SPATS2L: variants seen among roughly 807,000 people sequenced by gnomAD.
SPATS2L encodes spermatogenesis associated serine rich 2 like, also known as SPATS2-like protein.
SPATS2L carries 30 observed loss-of-function variants against 59.6 expected under a neutral mutation model. That is an observed-to-expected ratio of 0.50 (90% CI 0.38 to 0.68). The LOEUF (loss-of-function observed/expected upper bound fraction) is 0.68, where lower values mean the gene tolerates loss of function less well. SPATS2L is among the 30% of genes least tolerant of loss of function. The pLI is 0.00. For missense variants in SPATS2L, 615 were observed against 700.0 expected, an observed-to-expected ratio of 0.88 and a Z score of 1.37; for synonymous variants, 252 against 263.5, an observed-to-expected ratio of 0.96 and a Z score of 0.42.
chr2:200,468,654 A>G (rs893004313), intron 10 of SPATS2L, among the ~76,000 whole-genome samples: 1 of 152,168 alleles, frequency 6.6e-6, no homozygotes, highest in African/African-American at 2.4e-5. Context: ...AGCCAATTGC[A>G]GTGGCCTCCA....
chr2:200,375,903 A>G (rs557595856), intron 2 of SPATS2L, among the ~76,000 whole-genome samples: 1 of 152,324 alleles, frequency 6.6e-6, no homozygotes, highest in South Asian at 2.1e-4. Context: ...CTGGGATTAC[A>G]GGCATGAGTG....
chr2:200,313,173 C>T (rs1028655168), intron 1 of SPATS2L, among the ~76,000 whole-genome samples: 1 of 152,156 alleles, frequency 6.6e-6, no homozygotes, highest in Non-Finnish European at 1.5e-5. Flanking sequence ...GCACAGAAAC[C>T]AACAAGTCAG....
At chr2:200,306,099 G>C (rs975338708), upstream of SPATS2L, 2 of 985,966 alleles carry the variant, frequency 2.0e-6, no homozygotes, top group South Asian at 4.7e-5. Context: ...AACACCCCGG[G>C]TTGGTCGGGT....
At chr2:200,422,563 G>A (rs2083355570) in intron 6 of SPATS2L, among the ~76,000 whole-genome samples, 1 of 150,924 alleles carries the variant, frequency 6.6e-6, no homozygotes, top group African/African-American at 2.4e-5. Context: ...GGGGGAGGAA[G>A]AAGAAATGAT....
At chr2:200,450,576 T>A (rs536404925) in intron 8 of SPATS2L, among the ~76,000 whole-genome samples, 13 of 152,314 alleles carry the variant, frequency 8.5e-5, no homozygotes, top group African/African-American at 3.1e-4. Flanking sequence ...GATGAATGTG[T>A]GTCAAGCCAC....
intron 3 of SPATS2L, among the ~76,000 whole-genome samples, chr2:200,401,809 G>T (rs1381448477): frequency 6.6e-6 from 1 of 152,140 alleles, no homozygotes; most frequent in Non-Finnish European, 1.5e-5. Context: ...TGCAGCCAGG[G>T]TTGAGACTCA....
At chr2:200,363,025 A>T (rs2081158468) in intron 2 of SPATS2L, among the ~76,000 whole-genome samples, 1 of 152,144 alleles carries the variant, frequency 6.6e-6, no homozygotes, top group African/African-American at 2.4e-5. Flanking sequence ...CGCATGCATG[A>T]TCACTGTGAT....
intron 2 of SPATS2L, among the ~76,000 whole-genome samples, chr2:200,368,067 G>C (rs2081318269): frequency 6.6e-6 from 1 of 152,240 alleles, no homozygotes; most frequent in African/African-American, 2.4e-5. Flanking sequence ...ATTTGTAACA[G>C]AGCAGAAACA....
chr2:200,471,509 T>G (rs984013844), intron 11 of SPATS2L, among the ~76,000 whole-genome samples: 7 of 152,116 alleles, frequency 4.6e-5, no homozygotes, highest in African/African-American at 1.4e-4. Flanking sequence ...AATGGTCCCT[T>G]ACTAAATTCC....
chr2:200,336,346 C>A (rs2080141988), intron 2 of SPATS2L, among the ~76,000 whole-genome samples: 1 of 152,114 alleles, frequency 6.6e-6, no homozygotes, highest in African/African-American at 2.4e-5. Context: ...ATTCTGTCAT[C>A]CTTTTTCCAT....
chr2:200,327,639 T>C (rs2079797274), intron 1 of SPATS2L, among the ~76,000 whole-genome samples: 1 of 152,266 alleles, frequency 6.6e-6, no homozygotes, highest in East Asian at 1.9e-4. Context: ...TTGCCTTTTG[T>C]GGGGCATAAA....
chr2:200,367,252 T>C (rs570350409), intron 2 of SPATS2L, among the ~76,000 whole-genome samples: 4 of 152,190 alleles, frequency 2.6e-5, no homozygotes, highest in Non-Finnish European at 5.9e-5. Flanking sequence ...TGGGTTTTTT[T>C]CCCCCACTCT....
chr2:200,311,934 A>G (rs1235994867), intron 1 of SPATS2L, among the ~76,000 whole-genome samples: 1 of 152,080 alleles, frequency 6.6e-6, no homozygotes, highest in Non-Finnish European at 1.5e-5. Context: ...AGGATGGGGG[A>G]AGGGTGCTGT....
At chr2:200,416,965 C>A (rs2083087971) in intron 5 of SPATS2L, among the ~76,000 whole-genome samples, 1 of 152,188 alleles carries the variant, frequency 6.6e-6, no homozygotes, top group Non-Finnish European at 1.5e-5. Flanking sequence ...TGGCGTACTG[C>A]TCTTTGAGAA....
chr2:200,474,943 T>C (rs1311332124), intron 12 of SPATS2L, among the ~76,000 whole-genome samples: 1 of 152,158 alleles, frequency 6.6e-6, no homozygotes, highest in Admixed American at 6.5e-5. Flanking sequence ...ATCTACACTC[T>C]TTGTTCTGAA....
Position 200,461,787 on chromosome 2 carries a change from G to C in SPATS2L, c.847+1960G>C, listed in dbSNP as rs193079914. Reference sequence around the variant, plus strand: ...TTTTTATTTTTCTTGTCTGGACCTAGGCCATAATTCAAGTGTCATTTTATG... The same window carrying C: ...TTTTTATTTTTCTTGTCTGGACCTACGCCATAATTCAAGTGTCATTTTATG... On this transcript the variant is annotated intron_variant, in intron 9 of 12. Transcript: ENST00000409140. 4.9e-3 allele frequency among the ~76,000 whole-genome samples: 740 copies of C among 152,216 alleles called. 13 individuals carry two copies. The highest frequency in any genetic ancestry group is 5.0e-3 in the Non-Finnish European group (338 of 68,016).
intron 3 of SPATS2L, among the ~76,000 whole-genome samples, chr2:200,400,623 G>A (rs1210780542): frequency 6.6e-6 from 1 of 152,096 alleles, no homozygotes; most frequent in Non-Finnish European, 1.5e-5. Context: ...TTACTTTTTT[G>A]TGTGTGGGAG....
chr2:200,380,780 T>A (rs1394709562), intron 2 of SPATS2L, among the ~76,000 whole-genome samples: 1 of 152,230 alleles, frequency 6.6e-6, no homozygotes, highest in Non-Finnish European at 1.5e-5. Context: ...TACATTGAAA[T>A]GTCTTTGAAT....
At chr2:200,327,894 A>G (rs945005282) in intron 1 of SPATS2L, among the ~76,000 whole-genome samples, 1 of 152,152 alleles carries the variant, frequency 6.6e-6, no homozygotes, top group African/African-American at 2.4e-5. Context: ...ACACGCAAAC[A>G]AAAGATTTCT....
Sources: gnomAD v4.1 joint callset for allele counts (sites outside exome capture counted in the v4.1 genomes callset) on GRCh38, gnomAD v4.1.1 for gene constraint, MANE v1.5 for transcripts, NCBI Gene and HGNC (gene_info 2026-07-23, HGNC 2026-07-21) for gene names.